Variants in DIAPH2 observed in about 807,000 individuals in gnomAD.
The protein encoded by DIAPH2 is diaphanous related formin 2, also known as protein diaphanous homolog 2.
DIAPH2 carries 35 observed loss-of-function variants against 92.7 expected under a neutral mutation model. The ratio of observed to expected loss-of-function variants is 0.38; its 90% confidence interval spans 0.29 to 0.50. The LOEUF is 0.50. DIAPH2 is among the 20% of genes least tolerant of loss of function. The pLI is 0.94. For synonymous variants in DIAPH2, 301 were observed against 280.4 expected (o/e 1.07, Z -0.73); for missense variants, 701 against 819.5 (o/e 0.86, Z 1.77).
intron 26 of DIAPH2, among the ~76,000 whole-genome samples, chrX:97,532,996 C>T (rs747651442): frequency 9.2e-6 from 1 of 108,299 alleles, no homozygotes; most frequent in African/African-American, 3.5e-5. Flanking sequence ...ATCTTTATTT[C>T]TATTTTTTTT....
At chrX:97,178,131 G>A (rs1400326926) in intron 22 of DIAPH2, among the ~76,000 whole-genome samples, 1 of 110,147 alleles carries the variant, frequency 9.1e-6, no homozygotes, top group Admixed American at 9.8e-5. Context: ...GGGCCTTGGG[G>A]GGAATGCTGA....
At chrX:97,458,533 A>G (rs1389845988) in intron 26 of DIAPH2, among the ~76,000 whole-genome samples, 1 of 110,693 alleles carries the variant, frequency 9.0e-6, no homozygotes, top group African/African-American at 3.3e-5. Flanking sequence ...GTAAATTTAT[A>G]GTTAGATAAA....
chrX:97,518,604 C>T (rs973194196), intron 26 of DIAPH2, among the ~76,000 whole-genome samples: 4 of 109,183 alleles, frequency 3.7e-5, no homozygotes, highest in African/African-American at 1.3e-4. Flanking sequence ...ATCTAGTTTT[C>T]TCTCAGTAGT....
At chrX:96,817,222 T>C (rs1369077936) in intron 4 of DIAPH2, among the ~76,000 whole-genome samples, 3 of 111,719 alleles carry the variant, frequency 2.7e-5, no homozygotes, top group African/African-American at 9.7e-5. Flanking sequence ...TAACTAAACG[T>C]GTATAATTGG....
chrX:97,381,010 G>A (rs770302200), intron 24 of DIAPH2, among the ~76,000 whole-genome samples: 2 of 111,371 alleles, frequency 1.8e-5, no homozygotes, highest in Non-Finnish European at 3.8e-5. Context: ...TACTTGTTCT[G>A]TTTTATCCTT....
At chrX:97,160,105 C>T (rs754048081) in intron 22 of DIAPH2, among the ~76,000 whole-genome samples, 31 of 31,214 alleles carry the variant, frequency 9.9e-4, no homozygotes, top group African/African-American at 3.9e-3. Context: ...GGGGGCGGGG[C>T]GGGGTGGGGG....
At chrX:97,248,888 G>A (rs891155722) in intron 23 of DIAPH2, among the ~76,000 whole-genome samples, 1 of 111,520 alleles carries the variant, frequency 9.0e-6, no homozygotes, top group East Asian at 2.8e-4. Context: ...GTTCATTAAT[G>A]AATACTGTGT....
At chrX:96,752,773 C>T (rs758947843) in intron 3 of DIAPH2, among the ~76,000 whole-genome samples, 1 of 111,535 alleles carries the variant, frequency 9.0e-6, no homozygotes, top group East Asian at 2.8e-4. Flanking sequence ...CTACAAACAA[C>T]CTAACATTAT....
chrX:97,093,654 A>T (rs523556), intron 19 of DIAPH2, among the ~76,000 whole-genome samples: 10,926 of 112,077 alleles, frequency 0.097, 1,266 homozygotes, highest in African/African-American at 0.33. Context: ...TAAAAGGTAA[A>T]TAGCATCAAA....
chrX:97,257,794 T>C (rs2068249428), intron 23 of DIAPH2, among the ~76,000 whole-genome samples: 1 of 111,228 alleles, frequency 9.0e-6, no homozygotes, highest in South Asian at 3.8e-4. Flanking sequence ...ATATAAATTG[T>C]TATTAAAATT....
At chrX:97,125,497 A>G (rs2067087860) in intron 21 of DIAPH2, among the ~76,000 whole-genome samples, 1 of 106,193 alleles carries the variant, frequency 9.4e-6, no homozygotes, top group South Asian at 4.1e-4. Context: ...AAAAAAAAAA[A>G]AAGAATGCAA....
intron 26 of DIAPH2, chrX:97,431,788 G>T (rs5921822): frequency 0.028 from 3,094 of 112,017 alleles, 35 homozygotes; most frequent in Middle Eastern, 0.041. Context: ...TGGAAGTGAG[G>T]GAGTGGGGAC....
At chrX:97,276,454 C>A (rs1394853782) in intron 23 of DIAPH2, among the ~76,000 whole-genome samples, 1 of 111,664 alleles carries the variant, frequency 9.0e-6, no homozygotes, top group Non-Finnish European at 1.9e-5. Context: ...AAGGAAGACA[C>A]CTGTTTATTA....
intron 26 of DIAPH2, among the ~76,000 whole-genome samples, chrX:97,479,188 C>CTTTCT (rs1175403722): frequency 9.0e-6 from 1 of 110,851 alleles, no homozygotes; most frequent in African/African-American, 3.3e-5. Context: ...CTCCTGAATC[C>CTTTCT]TTTCTTCCCG....
rs1263886614 is a variant in DIAPH2, at chrX:97,112,528, A to G, written c.2350-2198A>G. On this transcript the variant is annotated intron_variant, in intron 20 of 26. Transcript: ENST00000324765. ...AGAAACTCAGAGTGATTCCCACACA[A>G]ACATACACAAAGAGACCTGCAAATT... Among the ~76,000 whole-genome samples the G allele has an allele frequency of 2.7e-5, 3 of 110,503 alleles. No homozygotes were observed. In the Admixed American group the frequency reaches 2.9e-4, roughly 11 times the overall value.
At chrX:97,229,064 C>G (rs1214424085) in intron 22 of DIAPH2, among the ~76,000 whole-genome samples, 1 of 111,516 alleles carries the variant, frequency 9.0e-6, no homozygotes, top group Non-Finnish European at 1.9e-5. Context: ...TTTATAAAAG[C>G]TTTTCCTTTT....
chrX:96,812,070 G>T (rs1194348572), intron 4 of DIAPH2, among the ~76,000 whole-genome samples: 1 of 111,747 alleles, frequency 8.9e-6, no homozygotes, highest in Non-Finnish European at 1.9e-5. Context: ...TGTTTCTATT[G>T]ATTGGAATAG....
At chrX:97,583,281 T>C (rs1602682565) in intron 26 of DIAPH2, among the ~76,000 whole-genome samples, 1 of 110,909 alleles carries the variant, frequency 9.0e-6, no homozygotes, top group Non-Finnish European at 1.9e-5. Flanking sequence ...TTTTCTGTTC[T>C]GTTTTTTCCC....
At chrX:97,082,051 C>G (rs1368830374) in intron 19 of DIAPH2, 1 of 99,949 alleles carries the variant, frequency 1.0e-5, no homozygotes, top group Non-Finnish European at 2.0e-5. Context: ...GCGGAGCTTG[C>G]AGTGAGCCGA....
Sources: allele counts gnomAD v4.1 joint callset (sites outside exome capture counted in the v4.1 genomes callset), GRCh38; gene constraint gnomAD v4.1.1; transcripts MANE v1.5; gene names NCBI Gene and HGNC (gene_info 2026-07-23, HGNC 2026-07-21).